Variants in METTL15 observed in about 807,000 individuals in gnomAD.
METTL15 encodes the protein methyltransferase 15, mitochondrial 12S rRNA N4-cytidine, also known as 12S rRNA N(4)-cytidine methyltransferase METTL15.
A neutral mutation model predicts 38.3 loss-of-function variants in METTL15; 34 were observed. The observed-to-expected ratio is 0.89, with a 90% CI of 0.68 to 1.18. The LOEUF (loss-of-function observed/expected upper bound fraction) is 1.18. Ranked by LOEUF, METTL15 falls within the 50% of genes most tolerant of loss-of-function variation. METTL15 has a pLI of 0.00. For missense variants in METTL15, 438 were observed against 498.4 expected (o/e 0.88, Z 1.15); for synonymous variants, 162 against 170.9 (o/e 0.95, Z 0.41).
At chr11:28,238,994 A>G (rs1012980988) in intron 4 of METTL15, among the ~76,000 whole-genome samples, 3 of 152,058 alleles carry the variant, frequency 2.0e-5, no homozygotes, top group African/African-American at 7.2e-5. Flanking sequence ...TTCCTTGTCA[A>G]ACTCTTCATG....
intron 3 of METTL15, among the ~76,000 whole-genome samples, chr11:28,170,881 T>A (rs1006165447): frequency 6.6e-6 from 1 of 152,190 alleles, no homozygotes; most frequent in African/African-American, 2.4e-5. Flanking sequence ...TCCTGTCTCA[T>A]CCTGTGACTT....
downstream of METTL15, among the ~76,000 whole-genome samples, chr11:28,529,253 C>T (rs759775154): frequency 2.6e-4 from 39 of 152,138 alleles, no homozygotes; most frequent in African/African-American, 8.4e-4. Context: ...CACACTAGAC[C>T]GCAGCCTTGT....
intron 6 of METTL15, among the ~76,000 whole-genome samples, chr11:28,441,978 T>C (rs565556703): frequency 1.3e-5 from 2 of 152,328 alleles, no homozygotes; most frequent in African/African-American, 4.8e-5. Context: ...AAGAAGTAGA[T>C]TGTGCAGGTT....
At chr11:28,277,043 A>T (rs145109749) in intron 4 of METTL15, among the ~76,000 whole-genome samples, 9 of 152,332 alleles carry the variant, frequency 5.9e-5, no homozygotes, top group African/African-American at 1.9e-4. Flanking sequence ...AAACCCAAAC[A>T]TAAATAAATG....
intron 3 of METTL15, among the ~76,000 whole-genome samples, chr11:28,169,757 A>C (rs1167034879): frequency 6.6e-6 from 1 of 152,084 alleles, no homozygotes; most frequent in African/African-American, 2.4e-5. Context: ...ATTCAAAGTT[A>C]ATATAAGCCT....
At chr11:28,314,872 C>T (rs868483172) in intron 6 of METTL15, among the ~76,000 whole-genome samples, 4 of 152,172 alleles carry the variant, frequency 2.6e-5, no homozygotes, top group Non-Finnish European at 4.4e-5. Flanking sequence ...AGATGCCCTG[C>T]ACAAGCTCTC....
intron 3 of METTL15, among the ~76,000 whole-genome samples, chr11:28,114,709 CG>C (rs1461698584): frequency 1.3e-5 from 2 of 152,086 alleles, no homozygotes; most frequent in African/African-American, 4.8e-5. Flanking sequence ...CCTTGGCCTC[CG>C]AAAGTGTTGG....
intron 3 of METTL15, among the ~76,000 whole-genome samples, chr11:28,130,518 T>C (rs371925511): frequency 1.3e-4 from 20 of 152,244 alleles, no homozygotes; most frequent in African/African-American, 4.6e-4. Context: ...AGCAGATGTA[T>C]ACATGTGAGT....
chr11:28,491,796 G>C (rs937496089), intron 6 of METTL15, among the ~76,000 whole-genome samples: 39 of 151,934 alleles, frequency 2.6e-4, no homozygotes, highest in Non-Finnish European at 4.0e-4. Context: ...GTCCTATTTT[G>C]GCCCAAAATA....
chr11:28,214,048 T>A (rs1485409395), intron 4 of METTL15, among the ~76,000 whole-genome samples: 1 of 149,862 alleles, frequency 6.7e-6, no homozygotes, highest in African/African-American at 2.5e-5. Flanking sequence ...AATACCCATC[T>A]TTTTTTTTAT....
At chr11:28,439,619 A>C (rs1174772910) in intron 6 of METTL15, among the ~76,000 whole-genome samples, 7 of 152,124 alleles carry the variant, frequency 4.6e-5, no homozygotes, top group Admixed American at 4.6e-4. Flanking sequence ...GGAGGAGAAA[A>C]GGTACTCTGT....
At chr11:28,194,180 C>CTTTCTTTCTTTCTTTT (rs1851817200) in intron 3 of METTL15, among the ~76,000 whole-genome samples, 1 of 34,742 alleles carries the variant, frequency 2.9e-5, no homozygotes, top group African/African-American at 1.2e-4. Flanking sequence ...TTCTTTTTCT[C>CTTTCTTTCTTTCTTTT]TCTCTCTCTC....
intron 4 of METTL15, among the ~76,000 whole-genome samples, chr11:28,354,745 T>C (rs1850075589): frequency 6.6e-6 from 1 of 152,184 alleles, no homozygotes; most frequent in African/African-American, 2.4e-5. Flanking sequence ...GGTGTAATAA[T>C]TGGGTACATT....
At chr11:28,149,099 G>T (rs1849988301) in intron 3 of METTL15, among the ~76,000 whole-genome samples, 1 of 151,738 alleles carries the variant, frequency 6.6e-6, no homozygotes, top group Non-Finnish European at 1.5e-5. Flanking sequence ...TTTCTATTCT[G>T]CCATATAGTT....
Position 28,217,978 on chromosome 11 carries a change from G to C in METTL15, c.407+6780G>C, listed in dbSNP as rs1248767207. On this transcript the variant is annotated intron_variant, in intron 4 of 6. Transcript: ENST00000407364. Reference sequence around the variant, plus strand: ...TTACTGTAGCCTTGTAGTGTAGTTTGAAGTCAGGTAGCTTGATGCTACCAG... The same window carrying C: ...TTACTGTAGCCTTGTAGTGTAGTTTCAAGTCAGGTAGCTTGATGCTACCAG... Among the ~76,000 whole-genome samples the C allele has an allele frequency of 8.5e-5, 13 of 152,276 alleles. No homozygotes were observed. In the East Asian group the frequency reaches 2.5e-3, roughly 29 times the overall value.
intron 5 of METTL15, among the ~76,000 whole-genome samples, chr11:28,368,777 G>A (rs1850214405): frequency 6.6e-6 from 1 of 152,118 alleles, no homozygotes; most frequent in Non-Finnish European, 1.5e-5. Flanking sequence ...TAATAGACTG[G>A]ATAAAGAAAA....
intron 4 of METTL15, among the ~76,000 whole-genome samples, chr11:28,288,579 A>T (rs1292246980): frequency 6.6e-6 from 1 of 152,022 alleles, no homozygotes; most frequent in Non-Finnish European, 1.5e-5. Context: ...ACCAAATACC[A>T]CATGCTCGTG....
intron 5 of METTL15, among the ~76,000 whole-genome samples, chr11:28,412,634 C>T (rs973820240): frequency 1.4e-4 from 22 of 151,752 alleles, no homozygotes; most frequent in Admixed American, 1.2e-3. Flanking sequence ...ATAAACCAAA[C>T]GCAGAAAGAA....
At chr11:28,457,217 G>T (rs941028663) in intron 6 of METTL15, among the ~76,000 whole-genome samples, 5 of 152,186 alleles carry the variant, frequency 3.3e-5, no homozygotes, top group African/African-American at 1.2e-4. Flanking sequence ...TTGCACATAT[G>T]TGCAATGTAA....
Sources: allele counts gnomAD v4.1 joint callset (sites outside exome capture counted in the v4.1 genomes callset), GRCh38; gene constraint gnomAD v4.1.1; transcripts MANE v1.5; gene names NCBI Gene and HGNC (gene_info 2026-07-23, HGNC 2026-07-21).